Variants in JDP2 observed in about 807,000 individuals in gnomAD.
JDP2 encodes the protein progesterone receptor co-activator.
A neutral mutation model predicts 17.1 loss-of-function variants in JDP2; 9 were observed. The observed-to-expected ratio is 0.53, with a 90% CI of 0.32 to 0.92. JDP2 has a LOEUF of 0.92. Among genes scored for constraint, JDP2 ranks in the 40% least tolerant of loss-of-function variants. The pLI is 0.04. For synonymous variants in JDP2, 107 were observed against 95.6 expected (o/e 1.12, Z -0.69); for missense variants, 179 against 220.0 (o/e 0.81, Z 1.18).
intron 3 of JDP2, among the ~76,000 whole-genome samples, chr14:75,468,005 G>A (rs1319043399): frequency 6.6e-6 from 1 of 152,142 alleles, no homozygotes; most frequent in Non-Finnish European, 1.5e-5. Context: ...GGAGGAAGAC[G>A]GGACCCCTGG....
chr14:75,462,179 CT>C (rs1307538602), intron 3 of JDP2, among the ~76,000 whole-genome samples: 7 of 152,302 alleles, frequency 4.6e-5, no homozygotes, highest in Non-Finnish European at 1.0e-4. Context: ...GATGTTTGTT[CT>C]TTTTCTCCCA....
chr14:75,460,658 C>T (rs1376428804), intron 2 of JDP2, among the ~76,000 whole-genome samples: 3 of 152,214 alleles, frequency 2.0e-5, no homozygotes, highest in African/African-American at 7.2e-5. Context: ...GTAGATTTGC[C>T]AGGCTCCTGG....
At chr14:75,435,829 G>A (rs530500417) in intron 1 of JDP2, among the ~76,000 whole-genome samples, 1 of 152,278 alleles carries the variant, frequency 6.6e-6, no homozygotes, top group African/African-American at 2.4e-5. Context: ...AAGAGGACCG[G>A]GTATGGGAGG....
chr14:75,447,939 G>C (rs1010170234), intron 2 of JDP2, among the ~76,000 whole-genome samples: 1 of 152,100 alleles, frequency 6.6e-6, no homozygotes, highest in Non-Finnish European at 1.5e-5. Context: ...GATTACAGGC[G>C]TGAGCCACTG....
chr14:75,453,325 G>C (rs1238640229), intron 2 of JDP2, among the ~76,000 whole-genome samples: 1 of 152,202 alleles, frequency 6.6e-6, no homozygotes, highest in East Asian at 1.9e-4. Context: ...GGGGGCCCTG[G>C]TGGGCCTGGC....
chr14:75,434,350 G>C (rs1295283943), intron 1 of JDP2, among the ~76,000 whole-genome samples: 2 of 152,096 alleles, frequency 1.3e-5, no homozygotes, highest in Non-Finnish European at 2.9e-5. Flanking sequence ...GTGAATATCA[G>C]CTGTTGTGGT....
At chr14:75,456,581 C>G (rs1886116581) in intron 2 of JDP2, among the ~76,000 whole-genome samples, 1 of 152,196 alleles carries the variant, frequency 6.6e-6, no homozygotes, top group Admixed American at 6.5e-5. Flanking sequence ...CTTTCCCTCT[C>G]TTTGCCTGTT....
chr14:75,431,870 T>G lies in JDP2; in HGVS notation c.-24+3618T>G, dbSNP rs545419668. 4.6e-5 allele frequency among the ~76,000 whole-genome samples: 7 copies of G among 152,388 alleles called. No individual in the cohort carries two copies. In the South Asian group the frequency reaches 1.0e-3, roughly 23 times the overall value. Reference sequence around the variant, plus strand: ...GGAAGGCCCTGGTGGCCACACTGACTTCACTCTTACTATGTGCAGGCACTG... The same window carrying G: ...GGAAGGCCCTGGTGGCCACACTGACGTCACTCTTACTATGTGCAGGCACTG... On this transcript the variant is annotated intron_variant, in intron 1 of 3. Coordinates refer to ENST00000651602, the MANE Select transcript of JDP2 (RefSeq NM_001135048.2).
chr14:75,468,373 C>T (rs958462890), intron 3 of JDP2, among the ~76,000 whole-genome samples: 8 of 152,168 alleles, frequency 5.3e-5, no homozygotes, highest in African/African-American at 1.9e-4. Flanking sequence ...TAGTTGAGAA[C>T]CACTGGTCTG....
intron 2 of JDP2, among the ~76,000 whole-genome samples, chr14:75,450,304 G>A (rs1052529207): frequency 1.3e-5 from 2 of 152,158 alleles, no homozygotes; most frequent in Non-Finnish European, 2.9e-5. Flanking sequence ...ACCCAGGACC[G>A]GGGCACACTC....
intron 2 of JDP2, among the ~76,000 whole-genome samples, chr14:75,444,254 C>G (rs888812266): frequency 5.9e-5 from 9 of 152,190 alleles, no homozygotes; most frequent in African/African-American, 2.2e-4. Context: ...TCACATGATG[C>G]CTGGCACTTA....
chr14:75,447,035 A>G (rs1328158732), intron 2 of JDP2, among the ~76,000 whole-genome samples: 1 of 152,192 alleles, frequency 6.6e-6, no homozygotes, highest in Non-Finnish European at 1.5e-5. Flanking sequence ...AAGGAGAACA[A>G]TCTGATAGGA....
At chr14:75,451,030 G>T (rs999614133) in intron 2 of JDP2, among the ~76,000 whole-genome samples, 11 of 152,194 alleles carry the variant, frequency 7.2e-5, no homozygotes, top group Non-Finnish European at 1.5e-4. Flanking sequence ...GGCCAGGGAA[G>T]TGTATGGTAT....
chr14:75,437,853 C>T (rs756116296), intron 1 of JDP2, 45 bp from the exon 2 acceptor site: 3 of 1,397,890 alleles, frequency 2.1e-6, no homozygotes, highest in East Asian at 4.9e-5. Flanking sequence ...CCTCCTGGAG[C>T]CCCCAACCTG....
rs1243449769 is a variant in JDP2, at chr14:75,472,876, A to T, written c.*3401A>T. ...GACTCCTGGATCTGTTCAGCTCCTG[A>T]CTGGTCACAACCAGCCATGCTGGAT... is the stretch of plus-strand genomic sequence containing the variant. On this transcript the variant is annotated 3_prime_UTR_variant, in exon 4 of 4. Coordinates refer to ENST00000651602, the MANE Select transcript of JDP2 (RefSeq NM_001135048.2). 1 of 152,230 alleles carries T rather than the reference A, an allele frequency of 6.6e-6. No homozygotes were observed. Among genetic ancestry groups the T allele is most frequent in the Non-Finnish European group, 1.5e-5 (1 of 68,060 alleles). 9.4% of individuals were successfully genotyped at this position (152,230 alleles called of 1,614,324 possible). A position where few individuals can be genotyped will look rare whatever the true frequency, so the allele number is the denominator to read the frequency against.
chr14:75,445,214 G>A, intron 2 of JDP2: 1 of 985,420 alleles, frequency 1.0e-6, no homozygotes, highest in Non-Finnish European at 1.2e-6. Flanking sequence ...AAGGCACAAG[G>A]CAACCTGGCC....
rs1471621472 is a variant in JDP2, at chr14:75,472,738, A to G, written c.*3263A>G. The G allele has an allele frequency of 1.3e-5, 2 of 152,254 alleles. No homozygotes were observed. Among genetic ancestry groups the G allele is most frequent in the Admixed American group, 6.5e-5 (1 of 15,288 alleles). 9.4% of individuals were successfully genotyped at this position (152,254 alleles called of 1,614,324 possible). The stretch of plus-strand genomic sequence containing the variant: ...TCTGTTAGTGTCGGTAGTTATTGAT[A>G]TCTACATAGTACAGGTTATTTAAAT... On this transcript the variant is annotated 3_prime_UTR_variant, in exon 4 of 4. Coordinates refer to ENST00000651602, the MANE Select transcript of JDP2 (RefSeq NM_001135048.2).
intron 2 of JDP2, chr14:75,445,693 A>G (rs1332335226): frequency 4.1e-5 from 27 of 666,524 alleles, no homozygotes; most frequent in Non-Finnish European, 5.0e-5. Flanking sequence ...CCTAAATGTA[A>G]GAGTGAAAAC....
At chr14:75,460,760 C>T (rs751878615) in intron 2 of JDP2, among the ~76,000 whole-genome samples, 1 of 152,194 alleles carries the variant, frequency 6.6e-6, no homozygotes, top group Non-Finnish European at 1.5e-5. Context: ...CTGAGGGACC[C>T]TGGGGGCAGA....
Sources: gnomAD v4.1 joint callset for allele counts (sites outside exome capture counted in the v4.1 genomes callset) on GRCh38, gnomAD v4.1.1 for gene constraint, MANE v1.5 for transcripts, NCBI Gene and HGNC (gene_info 2026-07-23, HGNC 2026-07-21) for gene names.